The following TRPC4 variants were observed in gnomAD, a reference collection of about 807,000 sequenced individuals.
TRPC4 encodes the protein transient receptor potential cation channel subfamily C member 4, also known as short transient receptor potential channel 4.
In TRPC4, 49 loss-of-function variants were observed where a neutral mutation model predicts 99.4. The observed-to-expected ratio is 0.49, with a 90% CI of 0.39 to 0.63. TRPC4 has a LOEUF of 0.63. Ranked by LOEUF, TRPC4 falls within the 20% of genes least tolerant of loss-of-function variation. TRPC4 has a pLI of 0.00. For synonymous variants in TRPC4, 454 were observed against 425.9 expected (o/e 1.07, Z -0.81); for missense variants, 898 against 1,152.9 (o/e 0.78, Z 3.20).
At chr13:37,722,995 G>A (rs1954925031) in intron 3 of TRPC4, among the ~76,000 whole-genome samples, 1 of 152,132 alleles carries the variant, frequency 6.6e-6, no homozygotes, top group African/African-American at 2.4e-5. Context: ...GGGAGGAAGT[G>A]TTGACTAGTA....
At chr13:37,818,710 C>A (rs868733288) in intron 1 of TRPC4, among the ~76,000 whole-genome samples, 61 of 152,074 alleles carry the variant, frequency 4.0e-4, no homozygotes, top group Middle Eastern at 3.4e-3. Flanking sequence ...AACAGAAAAC[C>A]AAACATTGTT....
intron 3 of TRPC4, among the ~76,000 whole-genome samples, chr13:37,730,768 G>A (rs948616047): frequency 6.6e-6 from 1 of 152,042 alleles, no homozygotes; most frequent in African/African-American, 2.4e-5. Context: ...TTCTTACTTA[G>A]AGAATTTTTA....
At chr13:37,655,365 T>TTATATATATATATATATATA (rs61181512) in intron 6 of TRPC4, 82 bp from the exon 7 acceptor site, 5 of 355,176 alleles carry the variant, frequency 1.4e-5, no homozygotes, top group African/African-American at 1.0e-4. Flanking sequence ...CTTGGCATGA[T>TTATATATATATATATATATA]TATATATATA....
intron 2 of TRPC4, among the ~76,000 whole-genome samples, chr13:37,750,273 A>C (rs1353743948): frequency 1.3e-5 from 2 of 152,046 alleles, no homozygotes; most frequent in African/African-American, 4.8e-5. Flanking sequence ...TATTGCTCTT[A>C]TGAAGATTTT....
chr13:37,713,001 A>G (rs1954535218), intron 3 of TRPC4, among the ~76,000 whole-genome samples: 1 of 152,214 alleles, frequency 6.6e-6, no homozygotes, highest in Admixed American at 6.6e-5. Flanking sequence ...AGGCTAACTA[A>G]GATTTGTTGT....
chr13:37,751,436 A>C (rs1955930827), intron 2 of TRPC4, among the ~76,000 whole-genome samples: 1 of 152,146 alleles, frequency 6.6e-6, no homozygotes, highest in African/African-American at 2.4e-5. Flanking sequence ...AGGGTCTGAC[A>C]AAAGACTGTA....
Position 37,635,616 on chromosome 13 carries a change from A to T in TRPC4, c.*1287T>A, listed in dbSNP as rs899757536. Among the ~76,000 whole-genome samples the T allele has an allele frequency of 1.3e-5, 2 of 152,260 alleles. No homozygotes were observed. Among genetic ancestry groups the T allele is most frequent in the Admixed American group, 6.5e-5 (1 of 15,272 alleles). Reference sequence around the variant, plus strand: ...AGCATTTTTCTATTGATTTGAAATAAATGCTAATTTTATGTGGTGAAGAAA... The same window carrying T: ...AGCATTTTTCTATTGATTTGAAATATATGCTAATTTTATGTGGTGAAGAAA... On this transcript the variant is annotated 3_prime_UTR_variant, in exon 11 of 11. Transcript: ENST00000379705.
intron 4 of TRPC4, among the ~76,000 whole-genome samples, chr13:37,686,823 T>G (rs2138847885): frequency 6.6e-6 from 1 of 152,290 alleles, no homozygotes; most frequent in South Asian, 2.1e-4. Context: ...TGTGCATAGA[T>G]TTGCATACTG....
chr13:37,793,541 T>G (rs774761301), intron 1 of TRPC4, among the ~76,000 whole-genome samples: 2 of 150,668 alleles, frequency 1.3e-5, no homozygotes, highest in Non-Finnish European at 2.9e-5. Context: ...AAGAAGAGTT[T>G]ATTAAGTAGA....
At chr13:37,796,962 A>AGT in intron 1 of TRPC4, among the ~76,000 whole-genome samples, 2 of 145,662 alleles carry the variant, frequency 1.4e-5, no homozygotes, top group African/African-American at 5.0e-5. Flanking sequence ...AATAAAATAA[A>AGT]ATAAAATAAA....
rs1157974851 is a variant in TRPC4, at chr13:37,846,098, A to G, written c.-28+23497T>C. Among the ~76,000 whole-genome samples the G allele has an allele frequency of 5.3e-5, 8 of 152,246 alleles. No homozygotes were observed. In the East Asian group the frequency reaches 1.5e-3, roughly 29 times the overall value. ...AATAAAGCTATGTTTCAGAAATGAG[A>G]AAGAAATAAAAACTTTCCCAGACAA... On this transcript the variant is annotated intron_variant, in intron 1 of 10. Transcript: ENST00000379705.
chr13:37,839,907 A>G (rs1958686033), intron 1 of TRPC4, among the ~76,000 whole-genome samples: 1 of 152,124 alleles, frequency 6.6e-6, no homozygotes, highest in Non-Finnish European at 1.5e-5. Flanking sequence ...CCATCAACCA[A>G]GTATTCTATC....
chr13:37,742,241 C>G (rs1454957143), intron 3 of TRPC4, among the ~76,000 whole-genome samples: 1 of 152,022 alleles, frequency 6.6e-6, no homozygotes, highest in Non-Finnish European at 1.5e-5. Flanking sequence ...TAGAGAAGTA[C>G]CAGAACAAGT....
At chr13:37,731,049 A>G (rs180817460) in intron 3 of TRPC4, among the ~76,000 whole-genome samples, 24 of 152,166 alleles carry the variant, frequency 1.6e-4, no homozygotes, top group East Asian at 1.5e-3. Context: ...CTGAGTTATT[A>G]AGAAAAAAAA....
rs919388313 is a variant in TRPC4, at chr13:37,634,218, G to A, written c.*2685C>T. Among the ~76,000 whole-genome samples, 18 of 152,066 alleles carry A rather than the reference G, an allele frequency of 1.2e-4. No homozygotes were observed. Among genetic ancestry groups the A allele is most frequent in the African/African-American group, 3.6e-4 (15 of 41,506 alleles). ...AATAGAAACGAACACCCTGAAGTAC[G>A]CACTTACAAACCTCAAAGAAACAGT... On this transcript the variant is annotated 3_prime_UTR_variant, in exon 11 of 11. Coordinates refer to ENST00000379705, the MANE Select transcript of TRPC4 (RefSeq NM_016179.4).
intron 8 of TRPC4, among the ~76,000 whole-genome samples, chr13:37,643,200 C>T (rs1951777925): frequency 6.6e-6 from 1 of 152,102 alleles, no homozygotes; most frequent in South Asian, 2.1e-4. Context: ...CTCAAGGCTC[C>T]ATTTTGGAAT....
chr13:37,671,498 G>GAGGAGACACATT (rs1332709951), intron 5 of TRPC4, among the ~76,000 whole-genome samples: 1 of 151,668 alleles, frequency 6.6e-6, no homozygotes. Flanking sequence ...TAAAACAAAT[G>GAGGAGACACATT]AGGAGACACA....
intron 2 of TRPC4, among the ~76,000 whole-genome samples, chr13:37,772,062 G>T (rs1200644465): frequency 1.3e-5 from 2 of 151,596 alleles, no homozygotes; most frequent in African/African-American, 4.8e-5. Context: ...AGCCTGAGAG[G>T]TTTACCAGGA....
At chr13:37,643,427 G>A (rs955344127) in intron 8 of TRPC4, among the ~76,000 whole-genome samples, 2 of 152,164 alleles carry the variant, frequency 1.3e-5, no homozygotes, top group African/African-American at 4.8e-5. Flanking sequence ...TGATATTTGA[G>A]TACAGGGGAG....
Sources: gnomAD v4.1 joint callset for allele counts (sites outside exome capture counted in the v4.1 genomes callset) on GRCh38, gnomAD v4.1.1 for gene constraint, MANE v1.5 for transcripts, NCBI Gene and HGNC (gene_info 2026-07-23, HGNC 2026-07-21) for gene names.